NBDY: variants seen among roughly 807,000 people sequenced by gnomAD.
NBDY encodes P-body dissociating protein.
intron 2 of NBDY, among the ~76,000 whole-genome samples, chrX:56,766,678 A>G (rs1328831579): frequency 4.5e-5 from 5 of 111,856 alleles, no homozygotes; most frequent in African/African-American, 1.6e-4. Flanking sequence ...TTATTGGGCA[A>G]CTAGGGCCTT....
chrX:56,787,014 G>C (rs895514673), intron 2 of NBDY, among the ~76,000 whole-genome samples: 2 of 111,261 alleles, frequency 1.8e-5, no homozygotes, highest in African/African-American at 6.6e-5. Context: ...GATGCTCTAA[G>C]TGTGTAATTC....
intron 2 of NBDY, among the ~76,000 whole-genome samples, chrX:56,782,410 G>A (rs2069698414): frequency 9.0e-6 from 1 of 110,552 alleles, no homozygotes; most frequent in Admixed American, 9.7e-5. Context: ...TTTCAGATCA[G>A]GACAGACAAG....
intron 2 of NBDY, among the ~76,000 whole-genome samples, chrX:56,758,448 A>T (rs1717938293): frequency 8.9e-6 from 1 of 111,739 alleles, no homozygotes; most frequent in South Asian, 3.7e-4. Context: ...AGGACGAGAC[A>T]GACTATTGTC....
chrX:56,816,959 G>A, intron 2 of NBDY, among the ~76,000 whole-genome samples: 1 of 111,535 alleles, frequency 9.0e-6, no homozygotes, highest in Non-Finnish European at 1.9e-5. Context: ...AAGGGGCTAT[G>A]AGGGAACAAT....
intron 2 of NBDY, among the ~76,000 whole-genome samples, chrX:56,759,712 G>A (rs1351120184): frequency 1.8e-5 from 2 of 111,619 alleles, no homozygotes; most frequent in African/African-American, 3.3e-5. Context: ...GCTGAAGCAG[G>A]AGGAGAGAGG....
At chrX:56,792,248 C>T (rs1231385123) in intron 2 of NBDY, among the ~76,000 whole-genome samples, 1 of 111,229 alleles carries the variant, frequency 9.0e-6, no homozygotes, top group African/African-American at 3.3e-5. Context: ...GTGAACGCAC[C>T]CTTACCTCGT....
rs1039496443 is a variant in NBDY, at chrX:56,804,229, G to C, written c.*167-13091G>C. 3.6e-5 allele frequency among the ~76,000 whole-genome samples: 4 copies of C among 112,073 alleles called. No homozygotes were observed. The Admixed American group carries it at 3.8e-4, about 11-fold the overall frequency. ...TTTCTTGGGGAAGGGACAAAAGCTT[G>C]GATCAAAAGCACCCAGGTCCAACAG... On this transcript the variant is annotated intron_variant, in intron 2 of 2. Coordinates refer to ENST00000374922, the MANE Select transcript of NBDY (RefSeq NM_001348129.2).
At chrX:56,785,993 A>G (rs1184695091) in intron 2 of NBDY, among the ~76,000 whole-genome samples, 1 of 111,693 alleles carries the variant, frequency 9.0e-6, no homozygotes, top group Non-Finnish European at 1.9e-5. Context: ...GGAAATTAGA[A>G]GGACTCTAGC....
intron 2 of NBDY, among the ~76,000 whole-genome samples, chrX:56,797,215 T>C (rs760132268): frequency 9.4e-6 from 1 of 106,321 alleles, no homozygotes; most frequent in African/African-American, 3.4e-5. Context: ...TCCTCCTCCT[T>C]CTCCTTCTTC....
At chrX:56,814,573 A>G (rs1410059742) in intron 2 of NBDY, among the ~76,000 whole-genome samples, 1 of 107,874 alleles carries the variant, frequency 9.3e-6, no homozygotes, top group African/African-American at 3.4e-5. Flanking sequence ...ACTCATTGCA[A>G]CCTCCACCTC....
At chrX:56,757,273 C>T (rs2069615976) in intron 2 of NBDY, among the ~76,000 whole-genome samples, 1 of 111,802 alleles carries the variant, frequency 8.9e-6, no homozygotes, top group South Asian at 3.8e-4. Context: ...TTGTACTCTG[C>T]AGAGGAATAG....
At chrX:56,741,348 G>T (rs1402506924) in intron 2 of NBDY, among the ~76,000 whole-genome samples, 4 of 111,602 alleles carry the variant, frequency 3.6e-5, no homozygotes, top group South Asian at 3.7e-4. Context: ...TTTGTTTGGG[G>T]TATATACCCA....
intron 2 of NBDY, among the ~76,000 whole-genome samples, chrX:56,760,211 C>T (rs1201486162): frequency 8.8e-6 from 1 of 113,280 alleles, no homozygotes; most frequent in African/African-American, 3.2e-5. Context: ...CAGCCTGGCA[C>T]ATCCTCACTG....
chrX:56,748,133 A>T (rs1382061195), intron 2 of NBDY, among the ~76,000 whole-genome samples: 2 of 111,629 alleles, frequency 1.8e-5, no homozygotes, highest in Non-Finnish European at 3.8e-5. Context: ...AATCTCCTTT[A>T]CTTAAAGTTA....
intron 1 of NBDY, among the ~76,000 whole-genome samples, chrX:56,731,609 A>AAAAAG (rs1222983223): frequency 9.0e-6 from 1 of 111,207 alleles, no homozygotes; most frequent in Admixed American, 9.6e-5. Flanking sequence ...AATAAAAAGG[A>AAAAAG]AAAAGAAAAG....
Position 56,783,717 on chromosome X carries a change from C to T in NBDY, c.*167-33603C>T, listed in dbSNP as rs911808492. On this transcript the variant is annotated intron_variant, in intron 2 of 2. Transcript: ENST00000374922. ...TGTCCCTGCAGCCTGTTGTCATGTTCAGAAACACCTTCCGCTGGATGGCAC... is the reference window on the plus strand; with the variant it reads ...TGTCCCTGCAGCCTGTTGTCATGTTTAGAAACACCTTCCGCTGGATGGCAC... Among the ~76,000 whole-genome samples, 17 of 112,937 alleles carry T rather than the reference C, an allele frequency of 1.5e-4. 1 individual carries two copies. The highest frequency in any genetic ancestry group is 3.7e-4 in the Admixed American group (4 of 10,776).
At chrX:56,805,073 G>T (rs997269066) in intron 2 of NBDY, among the ~76,000 whole-genome samples, 1 of 112,157 alleles carries the variant, frequency 8.9e-6, no homozygotes. Context: ...TCTCACGAAC[G>T]TCAGTTTCAT....
intron 2 of NBDY, among the ~76,000 whole-genome samples, chrX:56,810,654 C>T (rs2069881490): frequency 9.1e-6 from 1 of 110,056 alleles, no homozygotes; most frequent in South Asian, 3.9e-4. Context: ...TTCATCTAAC[C>T]TTTTTTCAAG....
chrX:56,732,853 A>T (rs2069466650), intron 2 of NBDY, among the ~76,000 whole-genome samples: 1 of 111,627 alleles, frequency 9.0e-6, no homozygotes, highest in African/African-American at 3.3e-5. Flanking sequence ...TTCACCATTA[A>T]TATCACAGTG....
Sources: allele counts gnomAD v4.1 joint callset (sites outside exome capture counted in the v4.1 genomes callset), GRCh38; gene constraint gnomAD v4.1.1; transcripts MANE v1.5; gene names NCBI Gene and HGNC (gene_info 2026-07-23, HGNC 2026-07-21).